The following GMCL1 variants were observed in gnomAD, a reference collection of about 807,000 sequenced individuals.
GMCL1 encodes germ cell-less 1, spermatogenesis associated.
A neutral mutation model predicts 75.5 loss-of-function variants in GMCL1; 54 were observed. The ratio of observed to expected loss-of-function variants is 0.71; its 90% CI spans 0.57 to 0.90. GMCL1 has a LOEUF of 0.90. Among genes scored for constraint, GMCL1 ranks in the 40% least tolerant of loss-of-function variants. The pLI, the probability that GMCL1 is intolerant of heterozygous loss-of-function variation, is 0.00. For missense variants in GMCL1, 537 were observed against 622.7 expected, an observed-to-expected ratio of 0.86 and a Z score of 1.47; for synonymous variants, 210 against 209.6, an observed-to-expected ratio of 1.00 and a Z score of -0.02.
intron 7 of GMCL1, 77 bp from the exon 8 acceptor site, chr2:69,849,575 A>G (rs1675251087): frequency 3.2e-6 from 3 of 939,364 alleles, no homozygotes; most frequent in Non-Finnish European, 4.7e-6. Flanking sequence ...TTTTAAGGTG[A>G]AAGCAATTTG....
Position 69,879,101 on chromosome 2 carries a change from G to T in GMCL1, c.*97G>T. ...TTTTTAGGCCAGCTTTAATTTAATG[G>T]CCCTACTGATATTCACATCGAAGGT... On this transcript the variant is annotated 3_prime_UTR_variant, in exon 14 of 14. Transcript: ENST00000282570. 2.8e-6 allele frequency: 2 copies of T among 709,444 alleles called. No individual in the cohort carries two copies. Among genetic ancestry groups the T allele is most frequent in the South Asian group, 1.6e-5 (1 of 60,864 alleles). The allele number at this position is 709,444 out of a possible 1,614,324, so 43.9% of individuals were successfully genotyped here.
chr2:69,863,469 C>T (rs544469003), intron 10 of GMCL1, among the ~76,000 whole-genome samples: 1 of 152,278 alleles, frequency 6.6e-6, no homozygotes, highest in African/African-American at 2.4e-5. Context: ...AAACTCTTGT[C>T]TATGTTGCCA....
At chr2:69,856,046 C>T (rs1312462179) in intron 9 of GMCL1, among the ~76,000 whole-genome samples, 4 of 152,032 alleles carry the variant, frequency 2.6e-5, no homozygotes, top group Non-Finnish European at 5.9e-5. Flanking sequence ...ATATTTTGTT[C>T]AGTATAAAAT....
intron 1 of GMCL1, 41 bp from the exon 2 acceptor site, chr2:69,837,506 A>G (rs750653700): frequency 1.5e-6 from 2 of 1,343,238 alleles, no homozygotes; most frequent in African/African-American, 1.5e-5. Flanking sequence ...TAAAACATTC[A>G]GTTTTATATA....
intron 7 of GMCL1, among the ~76,000 whole-genome samples, chr2:69,849,070 C>A (rs1675236141): frequency 6.6e-6 from 1 of 151,888 alleles, no homozygotes; most frequent in African/African-American, 2.4e-5. Flanking sequence ...AAACCTTTAC[C>A]TTTTTAATAC....
chr2:69,843,314 CTT>C (rs1274816911), intron 5 of GMCL1, 53 bp downstream of exon 5: 2 of 915,360 alleles, frequency 2.2e-6, no homozygotes, highest in East Asian at 5.1e-5. Flanking sequence ...AATTTGGTTG[CTT>C]TAGTTTCTTA....
chr2:69,866,219 G>T (rs1675813167), intron 11 of GMCL1, among the ~76,000 whole-genome samples: 1 of 149,326 alleles, frequency 6.7e-6, no homozygotes, highest in African/African-American at 2.5e-5. Context: ...CTGCACTTCA[G>T]CCTGGTGACA....
chr2:69,851,443 C>T (rs1280247590), intron 8 of GMCL1, among the ~76,000 whole-genome samples: 1 of 152,106 alleles, frequency 6.6e-6, no homozygotes, highest in Non-Finnish European at 1.5e-5. Flanking sequence ...AACCCTGTCT[C>T]TACTAAAAAT....
intron 13 of GMCL1, among the ~76,000 whole-genome samples, chr2:69,875,877 A>G (rs533132610): frequency 1.6e-4 from 25 of 152,104 alleles, no homozygotes; most frequent in African/African-American, 5.8e-4. Flanking sequence ...ATTTTAGTAG[A>G]GACAGGGTTT....
chr2:69,878,519 A>C (rs1288505597), intron 13 of GMCL1, among the ~76,000 whole-genome samples: 2 of 152,250 alleles, frequency 1.3e-5, no homozygotes, highest in East Asian at 3.8e-4. Context: ...AAAAGGAAAT[A>C]AATTTTTTTA....
intron 10 of GMCL1, among the ~76,000 whole-genome samples, chr2:69,863,620 A>C (rs190980514): frequency 6.6e-6 from 1 of 152,238 alleles, no homozygotes; most frequent in Non-Finnish European, 1.5e-5. Flanking sequence ...AATTTGGCTC[A>C]TACTATTTTC....
rs1207817401 is a variant in GMCL1, at chr2:69,859,742, T to TAAAAAAA, written c.1073-1526_1073-1520dup. 9.1e-4 allele frequency among the ~76,000 whole-genome samples: 72 copies of TAAAAAAA among 79,092 alleles called. 7 individuals are homozygous for TAAAAAAA. The highest frequency in any genetic ancestry group is 3.0e-3 in the African/African-American group (52 of 17,510). The allele number at this position is 79,092 out of a possible 152,430, so 51.9% of individuals were successfully genotyped here. On this transcript the variant is annotated intron_variant, in intron 9 of 13. Coordinates refer to ENST00000282570, the MANE Select transcript of GMCL1 (RefSeq NM_178439.5). ...GAGTGAGACCGTGTCTCTCTCTCTC[T>TAAAAAAA]AAAAAAAAAAAAAAAAGTATATATG...
intron 9 of GMCL1, among the ~76,000 whole-genome samples, chr2:69,856,816 C>T (rs1429048958): frequency 6.6e-6 from 1 of 152,008 alleles, no homozygotes; most frequent in Non-Finnish European, 1.5e-5. Flanking sequence ...GTTTTCTCTT[C>T]TGACCCCTAA....
chr2:69,844,544 CTTTTTTTT>C (rs34141260), intron 6 of GMCL1: 18 of 132,208 alleles, frequency 1.4e-4, no homozygotes, highest in African/African-American at 3.3e-4. Flanking sequence ...CTGTTTTGGC[CTTTTTTTT>C]TTTTTTTTTT....
At chr2:69,871,714 T>A (rs369512826) in intron 12 of GMCL1, 31 bp from the exon 13 acceptor site, 2 of 1,159,968 alleles carry the variant, frequency 1.7e-6, no homozygotes, top group Non-Finnish European at 2.5e-6. Context: ...AAAAATCTTG[T>A]GTTTATTTTT....
intron 9 of GMCL1, among the ~76,000 whole-genome samples, chr2:69,855,478 A>G (rs981641320): frequency 2.0e-5 from 3 of 152,048 alleles, no homozygotes; most frequent in African/African-American, 7.2e-5. Context: ...AGTACTATAT[A>G]TACATATACA....
chr2:69,875,880 CAG>C (rs1676116196), intron 13 of GMCL1, among the ~76,000 whole-genome samples: 1 of 151,944 alleles, frequency 6.6e-6, no homozygotes, highest in African/African-American at 2.4e-5. Flanking sequence ...TTAGTAGAGA[CAG>C]GGTTTCACTC....
At chr2:69,831,879 A>G (rs183629582) in intron 1 of GMCL1, among the ~76,000 whole-genome samples, 7 of 152,260 alleles carry the variant, frequency 4.6e-5, no homozygotes, top group African/African-American at 1.4e-4. Flanking sequence ...AAGTGTTGGG[A>G]TTACAGGTGT....
chr2:69,856,640 CTTTTT>C (rs34707640), intron 9 of GMCL1, among the ~76,000 whole-genome samples: 39 of 89,850 alleles, frequency 4.3e-4, no homozygotes, highest in African/African-American at 1.3e-3. Context: ...CTCTTCCCTC[CTTTTT>C]TTTTTTTTTT....
Sources: gnomAD v4.1 joint callset for allele counts (sites outside exome capture counted in the v4.1 genomes callset) on GRCh38, gnomAD v4.1.1 for gene constraint, MANE v1.5 for transcripts, NCBI Gene and HGNC (gene_info 2026-07-23, HGNC 2026-07-21) for gene names.